The following CPS1 variants were observed in gnomAD, a reference collection of about 807,000 sequenced individuals.
The protein encoded by CPS1 is carbamoyl-phosphate synthase [ammonia], mitochondrial.
A neutral mutation model predicts 174.6 loss-of-function variants in CPS1; 109 were observed. The ratio of observed to expected loss-of-function variants is 0.62; its 90% confidence interval spans 0.53 to 0.73. The LOEUF (loss-of-function observed/expected upper bound fraction) is 0.73. Among genes scored for constraint, CPS1 ranks in the 30% least tolerant of loss-of-function variants. The pLI is 0.00. For missense variants in CPS1, 1,689 were observed against 1,821.9 expected, an observed-to-expected ratio of 0.93 and a Z score of 1.33; for synonymous variants, 637 against 632.0, an observed-to-expected ratio of 1.01 and a Z score of -0.12.
At chr2:210,567,697 C>A (rs1574533363) in intron 1 of CPS1, among the ~76,000 whole-genome samples, 1 of 152,098 alleles carries the variant, frequency 6.6e-6, no homozygotes, top group African/African-American at 2.4e-5. Flanking sequence ...GGGTCTTCTT[C>A]TGAAGGCATT....
At chr2:210,598,505 G>A (rs1300519742) in intron 13 of CPS1, among the ~76,000 whole-genome samples, 1 of 150,990 alleles carries the variant, frequency 6.6e-6, no homozygotes, top group African/African-American at 2.4e-5. Context: ...CAAAATAAAG[G>A]GATAGAGGAA....
chr2:210,598,156 A>G (rs1698560891), intron 13 of CPS1, among the ~76,000 whole-genome samples: 1 of 151,716 alleles, frequency 6.6e-6, no homozygotes, highest in South Asian at 2.1e-4. Context: ...TCCTTTTTGA[A>G]TAAGCAAATA....
intron 8 of CPS1, among the ~76,000 whole-genome samples, chr2:210,590,589 AT>A (rs1226528795): frequency 6.6e-6 from 1 of 152,046 alleles, no homozygotes; most frequent in African/African-American, 2.4e-5. Flanking sequence ...GAAATATTAA[AT>A]TAGATTTAGT....
At chr2:210,591,595 T>C (rs1436064535) in intron 9 of CPS1, among the ~76,000 whole-genome samples, 1 of 152,012 alleles carries the variant, frequency 6.6e-6, no homozygotes, top group Non-Finnish European at 1.5e-5. Flanking sequence ...TAAAACCGAT[T>C]ATAGAATTTA....
Position 210,608,438 on chromosome 2 carries a change from A to G in CPS1, c.2270A>G (p.Lys757Arg). 1 of 1,612,584 alleles carries G rather than the reference A, an allele frequency of 6.2e-7. No individual in the cohort carries two copies. Among genetic ancestry groups the G allele is most frequent in the Non-Finnish European group, 8.5e-7 (1 of 1,179,000 alleles). The stretch of plus-strand genomic sequence containing the variant: ...GAAATTAAGAACGTCGTATCCGGGA[A>G]GACATCAGCCTGTTTTGAACCTAGC... Reference protein sequence around the residue: ...LPEIKNVVSGKTSACFEPSLD... With the variant: ...LPEIKNVVSGRTSACFEPSLD... The change falls in exon 19 of 38, where the codon AAG becomes AGG. Residue 757 changes from lysine to arginine, a missense_variant. Transcript: ENST00000233072.
intron 1 of CPS1, among the ~76,000 whole-genome samples, chr2:210,504,100 C>T (rs978621119): frequency 2.6e-5 from 4 of 152,070 alleles, no homozygotes; most frequent in African/African-American, 4.8e-5. Flanking sequence ...GGAGATGCTG[C>T]GCTTTTGGTG....
intron 30 of CPS1, 93 bp downstream of exon 30, chr2:210,656,725 T>C: frequency 4.7e-6 from 4 of 852,194 alleles, no homozygotes; most frequent in Non-Finnish European, 7.8e-6. Context: ...TAGGTAGCAA[T>C]GTAAGATATG....
chr2:210,639,848 A>G, intron 23 of CPS1, 148 bp from the exon 24 acceptor site: 1 of 652,614 alleles, frequency 1.5e-6, no homozygotes, highest in South Asian at 1.8e-5. Context: ...ATAACACTTT[A>G]TACTTATGGG....
At chr2:210,613,042 C>T (rs1699183044) in intron 20 of CPS1, among the ~76,000 whole-genome samples, 1 of 151,942 alleles carries the variant, frequency 6.6e-6, no homozygotes, top group Admixed American at 6.6e-5. Context: ...GAAGCACAAG[C>T]GTTAATCCTC....
At chr2:210,523,060 G>T (rs905232259) in intron 1 of CPS1, among the ~76,000 whole-genome samples, 6 of 151,960 alleles carry the variant, frequency 3.9e-5, no homozygotes, top group Non-Finnish European at 7.4e-5. Context: ...GAGATCCAGG[G>T]TAAAGTCCTG....
At chr2:210,611,369 A>G (rs1246851672) in intron 19 of CPS1, among the ~76,000 whole-genome samples, 2 of 152,012 alleles carry the variant, frequency 1.3e-5, no homozygotes, top group Non-Finnish European at 2.9e-5. Context: ...AATGCATAGC[A>G]ATCTATTATT....
chr2:210,612,413 TA>T, intron 20 of CPS1, 120 bp downstream of exon 20: 1 of 977,884 alleles, frequency 1.0e-6, no homozygotes, highest in Non-Finnish European at 1.6e-6. Flanking sequence ...GGAAAATTTT[TA>T]ATTCTTTTAT....
intron 1 of CPS1, among the ~76,000 whole-genome samples, chr2:210,536,920 C>G (rs1261676160): frequency 1.3e-5 from 2 of 152,062 alleles, no homozygotes; most frequent in Non-Finnish European, 2.9e-5. Context: ...AAGAAAGAAG[C>G]CTATGTGGTG....
intron 21 of CPS1, among the ~76,000 whole-genome samples, chr2:210,624,385 T>G (rs1358790679): frequency 6.6e-6 from 1 of 152,096 alleles, no homozygotes; most frequent in Non-Finnish European, 1.5e-5. Context: ...ATATTACCAT[T>G]CTATGCTTTC....
intron 1 of CPS1, among the ~76,000 whole-genome samples, chr2:210,541,568 A>C (rs1425654427): frequency 6.6e-6 from 1 of 152,176 alleles, no homozygotes; most frequent in Non-Finnish European, 1.5e-5. Context: ...TTAAGCAATC[A>C]GTGAAATGCT....
intron 1 of CPS1, among the ~76,000 whole-genome samples, chr2:210,510,008 C>G (rs533792735): frequency 6.6e-6 from 1 of 152,134 alleles, no homozygotes; most frequent in Admixed American, 6.5e-5. Context: ...ACTTTCTTCA[C>G]AGAATTGGAG....
chr2:210,662,301 T>G (rs776441888), intron 32 of CPS1, among the ~76,000 whole-genome samples: 17 of 152,320 alleles, frequency 1.1e-4, no homozygotes, highest in Non-Finnish European at 2.1e-4. Flanking sequence ...ATTGTCAATC[T>G]TAATAGCCCT....
At chr2:210,508,568 C>A (rs960002342) in intron 1 of CPS1, among the ~76,000 whole-genome samples, 21 of 152,012 alleles carry the variant, frequency 1.4e-4, no homozygotes, top group Admixed American at 3.9e-4. Context: ...AAAAACCCTT[C>A]AAAAAATCAA....
At chr2:210,523,645 C>G (rs1481744485) in intron 1 of CPS1, among the ~76,000 whole-genome samples, 1 of 151,902 alleles carries the variant, frequency 6.6e-6, no homozygotes, top group Admixed American at 6.6e-5. Flanking sequence ...GGTCTTCATT[C>G]CCATCCATGT....
Sources: allele counts gnomAD v4.1 joint callset (sites outside exome capture counted in the v4.1 genomes callset), GRCh38; gene constraint gnomAD v4.1.1; transcripts MANE v1.5; gene names NCBI Gene and HGNC (gene_info 2026-07-23, HGNC 2026-07-21).